Variants in VIT observed in about 807,000 individuals in gnomAD.
VIT encodes the protein vitrin.
VIT carries 99 observed loss-of-function variants against 78.0 expected under a neutral mutation model. The ratio of observed to expected loss-of-function variants is 1.27; its 90% CI spans 1.08 to 1.50. The LOEUF (loss-of-function observed/expected upper bound fraction) is 1.50, where lower values mean the gene tolerates loss of function less well. VIT is among the 40% of genes most tolerant of loss of function. The pLI, the probability that VIT is intolerant of heterozygous loss-of-function variation, is 0.00. For synonymous variants in VIT, 374 were observed against 334.3 expected (o/e 1.12, Z -1.29); for missense variants, 1,126 against 875.3 (o/e 1.29, Z -3.61).
chr2:36,729,217 A>G (rs1302078125), intron 2 of VIT, among the ~76,000 whole-genome samples: 1 of 152,144 alleles, frequency 6.6e-6, no homozygotes, highest in African/African-American at 2.4e-5. Flanking sequence ...GTGTAAGTAC[A>G]CTCTACAATA....
rs190082924 is a variant in VIT, at chr2:36,808,528, C to T, written c.1446C>T (p.Leu482=). 51 of 1,613,944 alleles carry T rather than the reference C, an allele frequency of 3.2e-5. 1 individual carries two copies. The African/African-American group carries it at 3.5e-4, about 11-fold the overall frequency. The change falls in exon 15 of 16, where the codon CTC becomes CTT. Residue 482 remains leucine, a synonymous_variant. Transcript: ENST00000379242. ...YSLHVQSWFG[L]HKTLQPLVKR... is the part of the protein sequence containing the mutation. ...TCCACGTGCAGAGCTGGTTTGGCCT[C>T]CACAAGACCCTGCAGCCTCTGGTGA...
At chr2:36,748,940 C>T (rs1161173330) in intron 4 of VIT, among the ~76,000 whole-genome samples, 16 of 152,176 alleles carry the variant, frequency 1.1e-4, no homozygotes, top group East Asian at 3.8e-4. Flanking sequence ...ATCATCTTGA[C>T]GCCCTCCCTG....
intron 3 of VIT, 55 bp from the exon 4 acceptor site, chr2:36,743,045 C>G: frequency 6.2e-7 from 1 of 1,602,406 alleles, no homozygotes; most frequent in Non-Finnish European, 8.5e-7. Flanking sequence ...CAGTGTCACC[C>G]CACAGATAAA....
intron 12 of VIT, chr2:36,788,118 G>A (rs1375639171): frequency 3.8e-6 from 1 of 262,962 alleles, no homozygotes; most frequent in Non-Finnish European, 7.5e-6. Flanking sequence ...AAGAATCATT[G>A]AGGGCAGGAT....
chr2:36,812,587 G>A (rs1158983412), intron 15 of VIT, among the ~76,000 whole-genome samples: 2 of 152,008 alleles, frequency 1.3e-5, no homozygotes, highest in Admixed American at 6.6e-5. Context: ...TCCAACACCT[G>A]CAGTCTTATT....
intron 5 of VIT, among the ~76,000 whole-genome samples, chr2:36,756,510 A>G (rs1361421402): frequency 6.6e-6 from 1 of 152,164 alleles, no homozygotes; most frequent in Non-Finnish European, 1.5e-5. Context: ...TAGGCACCCC[A>G]TGCCTCAAGC....
chr2:36,776,292 G>C (rs1241402785), intron 9 of VIT, among the ~76,000 whole-genome samples: 1 of 152,202 alleles, frequency 6.6e-6, no homozygotes. Context: ...ACATGTTGTT[G>C]TGAGGACAGA....
At chr2:36,753,158 G>A (rs1409589900) in intron 4 of VIT, among the ~76,000 whole-genome samples, 2 of 149,102 alleles carry the variant, frequency 1.3e-5, no homozygotes, top group African/African-American at 2.5e-5. Flanking sequence ...CTGCTGATGA[G>A]AACACACGGA....
intron 1 of VIT, among the ~76,000 whole-genome samples, chr2:36,714,379 C>G (rs896541245): frequency 6.6e-6 from 1 of 152,124 alleles, no homozygotes; most frequent in Non-Finnish European, 1.5e-5. Flanking sequence ...TTGGTGGCTT[C>G]AAAATCAGCC....
intron 4 of VIT, among the ~76,000 whole-genome samples, chr2:36,749,796 T>C (rs1036509919): frequency 6.6e-6 from 1 of 152,196 alleles, no homozygotes; most frequent in African/African-American, 2.4e-5. Context: ...ATCTTTTTCC[T>C]TTTCCTTTTT....
intron 15 of VIT, 112 bp downstream of exon 15, chr2:36,809,097 A>C: frequency 5.0e-6 from 7 of 1,404,092 alleles, no homozygotes; most frequent in Non-Finnish European, 5.7e-6. Context: ...TCTGCGACTT[A>C]ATAAAAATGT....
intron 11 of VIT, among the ~76,000 whole-genome samples, chr2:36,785,433 A>T (rs1358295667): frequency 6.6e-6 from 1 of 152,158 alleles, no homozygotes; most frequent in Non-Finnish European, 1.5e-5. Flanking sequence ...CTTGCTTGGG[A>T]ATCCACAACA....
chr2:36,784,530 T>A (rs866755518), intron 11 of VIT, among the ~76,000 whole-genome samples: 11 of 152,340 alleles, frequency 7.2e-5, no homozygotes, highest in African/African-American at 2.6e-4. Context: ...TTGTTGAAGC[T>A]GCATTAGCAA....
intron 12 of VIT, among the ~76,000 whole-genome samples, chr2:36,800,662 T>A (rs1427094130): frequency 6.6e-6 from 1 of 152,154 alleles, no homozygotes; most frequent in African/African-American, 2.4e-5. Flanking sequence ...ACTCCGCCGC[T>A]TCGTGGGGAT....
Position 36,808,630 on chromosome 2 carries a change from C to T in VIT, c.1548C>T (p.Asp516=), listed in dbSNP as rs148130817. 3.1e-5 allele frequency: 50 copies of T among 1,614,120 alleles called. No homozygotes were observed. Among genetic ancestry groups the T allele is most frequent in the East Asian group, 1.6e-4 (7 of 44,904 alleles). Residue 516 remains aspartate (D), a synonymous_variant, in exon 15 of 16, where the codon GAC becomes GAT. Transcript: ENST00000379242. ...LNSADIGFVI[D]GSSSVGTGNF... is the part of the protein sequence containing the mutation. Reference sequence around the variant, plus strand: ...CGGCTGACATTGGCTTCGTCATCGACGGCTCCAGCAGTGTGGGGACGGGCA... The same window carrying T: ...CGGCTGACATTGGCTTCGTCATCGATGGCTCCAGCAGTGTGGGGACGGGCA...
rs749058760 is a variant in VIT, at chr2:36,808,961, C to T, written c.1879C>T (p.Pro627Ser). Residue 627 changes from proline (P) to serine (S), a missense_variant, in exon 15 of 16, where the codon CCA becomes TCA. Pro to Ser is a moderately conservative substitution (Grantham distance 74). Transcript: ENST00000379242. ...GAGGTCCTACGACGACGTCCGGATC[C>T]CAGCCATGGCTGCCCATCTGAAGGG... Reference protein sequence around the residue: ...DGRSYDDVRIPAMAAHLKGVI... With the variant: ...DGRSYDDVRISAMAAHLKGVI... 1 of 1,593,830 alleles carries T rather than the reference C, an allele frequency of 6.3e-7. No individual in the cohort carries two copies. Among genetic ancestry groups the T allele is most frequent in the East Asian group, 2.2e-5 (1 of 44,566 alleles).
chr2:36,785,012 C>G (rs142788756), intron 11 of VIT, among the ~76,000 whole-genome samples: 2 of 152,146 alleles, frequency 1.3e-5, no homozygotes, highest in African/African-American at 2.4e-5. Flanking sequence ...ATACGTTAAT[C>G]CTGAAAACAA....
chr2:36,793,109 C>G (rs1363326344), intron 12 of VIT, among the ~76,000 whole-genome samples: 1 of 152,058 alleles, frequency 6.6e-6, no homozygotes, highest in African/African-American at 2.4e-5. Flanking sequence ...CCAAGATGCC[C>G]CACTTCCCCA....
At chr2:36,727,666 A>G (rs986216674) in intron 2 of VIT, among the ~76,000 whole-genome samples, 1 of 152,198 alleles carries the variant, frequency 6.6e-6, no homozygotes, top group African/African-American at 2.4e-5. Context: ...CTCCAATCTT[A>G]ATACAGTCAT....
Sources: gnomAD v4.1 joint callset for allele counts (sites outside exome capture counted in the v4.1 genomes callset) on GRCh38, gnomAD v4.1.1 for gene constraint, MANE v1.5 for transcripts, NCBI Gene and HGNC (gene_info 2026-07-23, HGNC 2026-07-21) for gene names.